The following NFKBIZ variants were observed in gnomAD, a reference collection of about 807,000 sequenced individuals.
NFKBIZ encodes the protein NF-kappa-B inhibitor zeta.
In NFKBIZ, 19 loss-of-function variants were observed where a neutral mutation model predicts 76.8. The ratio of observed to expected loss-of-function variants is 0.25; its 90% confidence interval spans 0.17 to 0.36. NFKBIZ has a LOEUF of 0.36. Ranked by LOEUF, NFKBIZ falls within the 10% of genes least tolerant of loss-of-function variation. The pLI is 1.00. For missense variants in NFKBIZ, 829 were observed against 910.9 expected, an observed-to-expected ratio of 0.91 and a Z score of 1.16; for synonymous variants, 368 against 354.8, an observed-to-expected ratio of 1.04 and a Z score of -0.42.
intron 2 of NFKBIZ, among the ~76,000 whole-genome samples, chr3:101,832,383 A>G (rs1452497582): frequency 6.6e-6 from 1 of 152,190 alleles, no homozygotes; most frequent in Non-Finnish European, 1.5e-5. Flanking sequence ...TTTTCATATT[A>G]CAACTTTTGC....
chr3:101,847,501 CGTT>C (rs1366963785), upstream of NFKBIZ, among the ~76,000 whole-genome samples: 2 of 152,302 alleles, frequency 1.3e-5, no homozygotes, highest in Non-Finnish European at 1.5e-5. Flanking sequence ...GTGATTTTGT[CGTT>C]GTTTGAACAT....
chr3:101,860,389 C>G lies in NFKBIZ; in HGVS notation c.*1018C>G, dbSNP rs970539363. The G allele has an allele frequency of 2.0e-5, 3 of 152,122 alleles. No homozygotes were observed. The highest frequency in any genetic ancestry group is 1.3e-4 in the Admixed American group (2 of 15,256). The allele number at this position is 152,122 out of a possible 1,614,324, so 9.4% of individuals were successfully genotyped here. A position where few individuals can be genotyped will look rare whatever the true frequency, so the allele number is the denominator to read the frequency against. ...GCAGGATCTTGCCACCTTGCCCAGG[C>G]TGGTCTTGAACTCCTGAGCTCATGC... On this transcript the variant is annotated 3_prime_UTR_variant, in exon 12 of 12. Coordinates refer to ENST00000326172, the MANE Select transcript of NFKBIZ (RefSeq NM_031419.4).
chr3:101,852,703 T>G (rs1453025790), intron 2 of NFKBIZ, 35 bp from the exon 3 acceptor site: 1 of 1,505,594 alleles, frequency 6.6e-7, no homozygotes, highest in Non-Finnish European at 9.2e-7. Flanking sequence ...GAAGTCATTT[T>G]GTATACACTA....
intron 1 of NFKBIZ, among the ~76,000 whole-genome samples, chr3:101,829,435 A>G (rs993482906): frequency 3.3e-5 from 5 of 152,220 alleles, no homozygotes; most frequent in African/African-American, 4.8e-5. Context: ...ACAAGACAAG[A>G]AAGCTCTCAG....
Position 101,834,836 on chromosome 3 carries a change from C to G in NFKBIZ, c.-12+5148C>G, listed in dbSNP as rs965064550. Among the ~76,000 whole-genome samples the G allele has an allele frequency of 5.3e-5, 8 of 152,302 alleles. No homozygotes were observed. The East Asian group carries it at 5.8e-4, about 11-fold the overall frequency. ...ACTTCCACACAGCTGCCACTGTGATCGTGTTTTTATCTTGTTCGAAACCCC... is the reference window on the plus strand; with the variant it reads ...ACTTCCACACAGCTGCCACTGTGATGGTGTTTTTATCTTGTTCGAAACCCC... On this transcript the variant is annotated intron_variant, in intron 2 of 12. Transcript: ENST00000394054.
At chr3:101,834,929 G>T (rs1247580562) in intron 2 of NFKBIZ, among the ~76,000 whole-genome samples, 2 of 152,200 alleles carry the variant, frequency 1.3e-5, no homozygotes, top group African/African-American at 4.8e-5. Context: ...AAGGGTTCCA[G>T]ACTTGACTCT....
intron 2 of NFKBIZ, among the ~76,000 whole-genome samples, chr3:101,837,380 T>G (rs1560083020): frequency 6.6e-6 from 1 of 151,168 alleles, no homozygotes; most frequent in Non-Finnish European, 1.5e-5. Flanking sequence ...AAAGGACTAT[T>G]AAAAAATCAT....
chr3:101,850,364 T>C (rs932323317), intron 1 of NFKBIZ: 1 of 154,684 alleles, frequency 6.5e-6, no homozygotes, highest in Non-Finnish European at 1.4e-5. Context: ...ATTTCTCAGT[T>C]TTTATGGAAT....
In NFKBIZ at chr3:101,853,299, A is replaced by T; in HGVS notation, c.773A>T (p.His258Leu). The T allele has an allele frequency of 6.2e-7, 1 of 1,614,172 alleles. No individual in the cohort carries two copies. Among genetic ancestry groups the T allele is most frequent in the Non-Finnish European group, 8.5e-7 (1 of 1,180,026 alleles). Reference sequence around the variant, plus strand: ...CCCGCAGAGCAGTGTCAGGACTTCCATGGAGGGCAGGTCTTTTCTCCACCT... The same window carrying T: ...CCCGCAGAGCAGTGTCAGGACTTCCTTGGAGGGCAGGTCTTTTCTCCACCT... ...SSPAEQCQDF[H>L]GGQVFSPPQK... is the part of the protein sequence containing the mutation. The change falls in exon 5 of 12, where the codon CAT becomes CTT. Residue 258 changes from histidine to leucine, a missense_variant. His to Leu is a moderately conservative substitution (Grantham distance 99). Transcript: ENST00000326172.
intron 2 of NFKBIZ, among the ~76,000 whole-genome samples, chr3:101,837,539 A>T (rs1023175730): frequency 1.3e-5 from 2 of 151,946 alleles, no homozygotes. Flanking sequence ...AAGAAAAATC[A>T]TACAGGCCAC....
At chr3:101,851,121 G>T (rs1362809664) in intron 1 of NFKBIZ, among the ~76,000 whole-genome samples, 1 of 152,218 alleles carries the variant, frequency 6.6e-6, no homozygotes, top group Non-Finnish European at 1.5e-5. Flanking sequence ...TTTATCTCAT[G>T]TATTTATGAT....
chr3:101,854,454 A>G (rs1314913512), intron 5 of NFKBIZ, 124 bp from the exon 6 acceptor site: 2 of 623,642 alleles, frequency 3.2e-6, no homozygotes, highest in Non-Finnish European at 5.7e-6. Context: ...ATGCTTTGTA[A>G]TGTTTCATTT....
rs1942912615 is a variant in NFKBIZ, at chr3:101,849,539, C to T, written c.-90C>T. On this transcript the variant is annotated 5_prime_UTR_variant, in exon 1 of 12. Coordinates refer to ENST00000326172, the MANE Select transcript of NFKBIZ (RefSeq NM_031419.4). ...GTACTGGCCCGCGCCGTCCGCCCGC[C>T]GACAGCTCCCTGAGCCAGCCCGGGA... 5 of 1,165,648 alleles carry T rather than the reference C, an allele frequency of 4.3e-6. No homozygotes were observed. Among genetic ancestry groups the T allele is most frequent in the Non-Finnish European group, 5.5e-6 (5 of 914,502 alleles). The allele number at this position is 1,165,648 out of a possible 1,614,324, so 72.2% of individuals were successfully genotyped here. A position where few individuals can be genotyped will look rare whatever the true frequency, so the allele number is the denominator to read the frequency against.
intron 2 of NFKBIZ, among the ~76,000 whole-genome samples, chr3:101,830,188 A>G (rs1234524095): frequency 1.3e-5 from 2 of 152,174 alleles, no homozygotes; most frequent in African/African-American, 2.4e-5. Flanking sequence ...GAATGAAAAT[A>G]TTTACTGCCG....
chr3:101,832,446 C>T, intron 2 of NFKBIZ, among the ~76,000 whole-genome samples: 1 of 152,266 alleles, frequency 6.6e-6, no homozygotes, highest in South Asian at 2.1e-4. Flanking sequence ...AACTGCATAT[C>T]CATTAAACAA....
At chr3:101,845,577 C>T (rs553443116), upstream of NFKBIZ, among the ~76,000 whole-genome samples, 1 of 152,230 alleles carries the variant, frequency 6.6e-6, no homozygotes, top group East Asian at 1.9e-4. Flanking sequence ...GCTGGGATTA[C>T]AGGCGTGAGC....
At position 101,853,449 on chromosome 3, in the gene NFKBIZ, T is replaced by C; in HGVS notation, c.923T>C (p.Leu308Pro). ...QQPHYTHKPT[L>P]EYSPFPIPPQ... ...CCACACTACACCCACAAACCAACTCTGGAATACAGTCCTTTTCCCATACCT... is the reference window on the plus strand; with the variant it reads ...CCACACTACACCCACAAACCAACTCCGGAATACAGTCCTTTTCCCATACCT... The change falls in exon 5 of 12, where the codon CTG becomes CCG. Residue 308 changes from leucine (L) to proline (P), a missense_variant. Leu to Pro is a moderately conservative substitution (Grantham distance 98, BLOSUM62 -3). Transcript: ENST00000326172. The C allele has an allele frequency of 6.2e-7, 1 of 1,614,168 alleles. No homozygotes were observed. The highest frequency in any genetic ancestry group is 1.3e-5 in the African/African-American group (1 of 75,030).
intron 11 of NFKBIZ, chr3:101,857,870 G>A (rs1055814809): frequency 2.8e-5 from 25 of 908,280 alleles, no homozygotes; most frequent in African/African-American, 3.6e-5. Flanking sequence ...CAATAGTCCC[G>A]GGTACAGAGT....
chr3:101,855,005 C>G, intron 6 of NFKBIZ, 57 bp from the exon 7 acceptor site: 1 of 1,515,904 alleles, frequency 6.6e-7, no homozygotes, highest in South Asian at 1.3e-5. Context: ...GTTTCATATT[C>G]CTTGTTATGA....
Sources: gnomAD v4.1 joint callset for allele counts (sites outside exome capture counted in the v4.1 genomes callset) on GRCh38, gnomAD v4.1.1 for gene constraint, MANE v1.5 for transcripts, NCBI Gene and HGNC (gene_info 2026-07-23, HGNC 2026-07-21) for gene names.